DPF3: variants seen among roughly 807,000 people sequenced by gnomAD.
The protein encoded by DPF3 is zinc finger protein DPF3.
In DPF3, 18 loss-of-function variants were observed where a neutral mutation model predicts 56.8. The ratio of observed to expected loss-of-function variants is 0.32; its 90% CI spans 0.22 to 0.47. The LOEUF is 0.47. Among genes scored for constraint, DPF3 ranks in the 20% least tolerant of loss-of-function variants. DPF3 has a pLI of 1.00. For missense variants in DPF3, 403 were observed against 488.8 expected (o/e 0.82, Z 1.65); for synonymous variants, 188 against 180.2 (o/e 1.04, Z -0.35).
rs151268252 is a variant in DPF3 at position 72,723,711 on chromosome 14, A to G, written c.447T>C (p.Asp149=). 8.7e-4 allele frequency: 1,372 copies of G among 1,578,976 alleles called. 13 individuals carry two copies. The African/African-American group carries it at 0.017, about 20-fold the overall frequency. Residue 149 remains aspartate, a synonymous_variant, in exon 5 of 11, where the codon GAT becomes GAC. Transcript: ENST00000556509. ...CTTCATTCCCTTCTTCTACATTTTC[A>G]TCATTTTCCAAAACCCTCTGAAATG... ...IQEIQRVLEN[D]ENVEEGNEEE... is the part of the protein sequence containing the mutation.
intron 3 of DPF3, among the ~76,000 whole-genome samples, chr14:72,740,592 C>A (rs1359658366): frequency 6.6e-6 from 1 of 152,162 alleles, no homozygotes; most frequent in Non-Finnish European, 1.5e-5. Context: ...GGTGTCAATG[C>A]AAAGTGGGCA....
intron 2 of DPF3, among the ~76,000 whole-genome samples, chr14:72,767,760 CA>C (rs372452441): frequency 3.7e-4 from 27 of 72,496 alleles, no homozygotes; most frequent in African/African-American, 6.8e-4. Context: ...CCAAATTTGG[CA>C]AAAAAAAAAA....
chr14:72,700,361 A>T (rs185194980), intron 6 of DPF3, among the ~76,000 whole-genome samples: 134 of 152,256 alleles, frequency 8.8e-4, no homozygotes, highest in Non-Finnish European at 1.5e-3. Context: ...TTTATTGAAC[A>T]AGGGCCCCCG....
At chr14:72,723,313 C>T (rs989608485) in intron 5 of DPF3, among the ~76,000 whole-genome samples, 1 of 152,110 alleles carries the variant, frequency 6.6e-6, no homozygotes, top group Non-Finnish European at 1.5e-5. Flanking sequence ...AATGTCCAGC[C>T]TTCTTTAGTA....
intron 7 of DPF3, among the ~76,000 whole-genome samples, chr14:72,676,077 T>C (rs58841726): frequency 0.059 from 9,049 of 152,230 alleles, 821 homozygotes; most frequent in African/African-American, 0.19. Flanking sequence ...AGCATCTCTA[T>C]GAAGCAAATA....
intron 2 of DPF3, among the ~76,000 whole-genome samples, chr14:72,754,220 G>A (rs1168658007): frequency 6.6e-6 from 1 of 152,194 alleles, no homozygotes; most frequent in African/African-American, 2.4e-5. Context: ...TATTCCCAGG[G>A]AAATGGGGCG....
At chr14:72,678,433 C>T (rs1003014932) in intron 7 of DPF3, among the ~76,000 whole-genome samples, 1 of 152,196 alleles carries the variant, frequency 6.6e-6, no homozygotes, top group Non-Finnish European at 1.5e-5. Flanking sequence ...AGTAATCCAT[C>T]CTGGGTGATC....
chr14:72,778,333 T>C (rs577481560), intron 1 of DPF3, among the ~76,000 whole-genome samples: 2 of 152,252 alleles, frequency 1.3e-5, no homozygotes, highest in South Asian at 2.1e-4. Flanking sequence ...TAGAGTCTCA[T>C]AGAAGCGCAA....
intron 7 of DPF3, among the ~76,000 whole-genome samples, chr14:72,684,756 A>G (rs1028214971): frequency 6.6e-6 from 1 of 152,164 alleles, no homozygotes; most frequent in African/African-American, 2.4e-5. Context: ...TGTGCCTACT[A>G]TGGACTGAAG....
At chr14:72,718,145 C>T (rs1194970443) in intron 5 of DPF3, among the ~76,000 whole-genome samples, 1 of 144,118 alleles carries the variant, frequency 6.9e-6, no homozygotes, top group Non-Finnish European at 1.6e-5. Context: ...GAAGTAGAGG[C>T]CAGAAACCAC....
intron 6 of DPF3, among the ~76,000 whole-genome samples, chr14:72,699,398 T>C (rs956968397): frequency 2.0e-5 from 3 of 151,540 alleles, no homozygotes; most frequent in African/African-American, 7.3e-5. Flanking sequence ...GGCATGCTCC[T>C]GTAGTCCCAG....
At chr14:72,769,531 T>C (rs1041733733) in intron 2 of DPF3, among the ~76,000 whole-genome samples, 7 of 151,880 alleles carry the variant, frequency 4.6e-5, no homozygotes, top group African/African-American at 1.7e-4. Context: ...AATACAAAAA[T>C]TAGCTGGGTG....
chr14:72,826,580 G>A (rs2140043681), intron 1 of DPF3, among the ~76,000 whole-genome samples: 1 of 152,330 alleles, frequency 6.6e-6, no homozygotes, highest in East Asian at 1.9e-4. Flanking sequence ...CAAGGAATTT[G>A]CACAAGAGGT....
intron 1 of DPF3, among the ~76,000 whole-genome samples, chr14:72,804,607 G>T (rs1955974177): frequency 1.3e-5 from 2 of 152,144 alleles, no homozygotes; most frequent in Non-Finnish European, 1.5e-5. Flanking sequence ...CTGAGAGGTT[G>T]GGTTTGTTTG....
At chr14:72,661,327 G>C in intron 8 of DPF3, 1 of 985,334 alleles carries the variant, frequency 1.0e-6, no homozygotes, top group Non-Finnish European at 1.2e-6. Flanking sequence ...GCAGGAAGTC[G>C]GTGCCCACCT....
At chr14:72,777,415 C>T (rs1205543219) in intron 1 of DPF3, among the ~76,000 whole-genome samples, 1 of 152,194 alleles carries the variant, frequency 6.6e-6, no homozygotes, top group African/African-American at 2.4e-5. Context: ...CCTAATGCAT[C>T]TCTTGAAAGA....
chr14:72,768,452 G>T (rs1015373609), intron 2 of DPF3, among the ~76,000 whole-genome samples: 4 of 152,188 alleles, frequency 2.6e-5, no homozygotes, highest in Admixed American at 2.6e-4. Context: ...CACAAATCTA[G>T]ACATGTGATA....
intron 1 of DPF3, among the ~76,000 whole-genome samples, chr14:72,780,000 G>T (rs1880741953): frequency 6.6e-6 from 1 of 152,172 alleles, no homozygotes; most frequent in Admixed American, 6.5e-5. Context: ...ACCACATCTG[G>T]CTTGTTTACT....
chr14:72,617,071 T>C lies in DPF3; in HGVS notation c.*2226A>G, dbSNP rs1186372295. Among the ~76,000 whole-genome samples the C allele has an allele frequency of 2.0e-5, 3 of 152,162 alleles. No homozygotes were observed. The highest frequency in any genetic ancestry group is 4.4e-5 in the Non-Finnish European group (3 of 68,030). ...GCAGGCAAGTTCCAGTGCCCTGCCT[T>C]GGCCTGGGAGACCCAGCTGAGGCTC... On this transcript the variant is annotated 3_prime_UTR_variant, in exon 11 of 11. Transcript: ENST00000556509.
Sources: allele counts gnomAD v4.1 joint callset (sites outside exome capture counted in the v4.1 genomes callset), GRCh38; gene constraint gnomAD v4.1.1; transcripts MANE v1.5; gene names NCBI Gene and HGNC (gene_info 2026-07-23, HGNC 2026-07-21).